RCAN2: variants seen among roughly 807,000 people sequenced by gnomAD.
The protein encoded by RCAN2 is calcipressin-2.
In RCAN2, 9 loss-of-function variants were observed where a neutral mutation model predicts 23.6. The observed-to-expected ratio is 0.38, with a 90% CI of 0.23 to 0.67. The LOEUF is 0.67. RCAN2 is among the 30% of genes least tolerant of loss of function. RCAN2 has a pLI of 0.51. For missense variants in RCAN2, 273 were observed against 302.3 expected (o/e 0.90, Z 0.72); for synonymous variants, 109 against 115.7 (o/e 0.94, Z 0.37).
At chr6:46,341,698 T>C (rs991708620) in intron 2 of RCAN2, among the ~76,000 whole-genome samples, 2 of 152,168 alleles carry the variant, frequency 1.3e-5, no homozygotes, top group Non-Finnish European at 2.9e-5. Context: ...CTCAGGAGGC[T>C]GAGGCAGGAG....
At chr6:46,255,597 A>G (rs1766882618) in intron 2 of RCAN2, among the ~76,000 whole-genome samples, 2 of 152,152 alleles carry the variant, frequency 1.3e-5, no homozygotes, top group Admixed American at 6.5e-5. Context: ...GTGATGGATG[A>G]CAGGGTGAGG....
intron 2 of RCAN2, among the ~76,000 whole-genome samples, chr6:46,255,584 A>C (rs908289325): frequency 6.6e-6 from 1 of 152,170 alleles, no homozygotes; most frequent in Non-Finnish European, 1.5e-5. Context: ...CATGAATGGA[A>C]TTGTGATGGA....
rs59953064 is a variant in RCAN2, at chr6:46,263,539, ATGTG to A, written c.226-14647_226-14644del. ...TGTGTGTATGTGTGTGTGTGTGTGTATGTGTGTGTGTGTGTGTGTGTATGTGTGT... is the reference window on the plus strand; with the variant it reads ...TGTGTGTATGTGTGTGTGTGTGTGTATGTGTGTGTGTGTGTGTATGTGTGT... On this transcript the variant is annotated intron_variant, in intron 2 of 4. Coordinates refer to ENST00000371374, the MANE Select transcript of RCAN2 (RefSeq NM_001251974.2). Among the ~76,000 whole-genome samples the A allele has an allele frequency of 2.6e-3, 218 of 82,456 alleles. 1 individual carries two copies. The East Asian group carries it at 0.062, about 23-fold the overall frequency. 54.1% of individuals were successfully genotyped at this position (82,456 alleles called of 152,430 possible).
chr6:46,339,020 A>AAAAAG (rs1266133098), intron 2 of RCAN2, among the ~76,000 whole-genome samples: 15 of 149,980 alleles, frequency 1.0e-4, no homozygotes, highest in East Asian at 3.9e-4. Flanking sequence ...GTCTCAAAAA[A>AAAAAG]AAAAAAAAAA....
chr6:46,272,524 A>C (rs1282189777), intron 2 of RCAN2, among the ~76,000 whole-genome samples: 1 of 152,240 alleles, frequency 6.6e-6, no homozygotes, highest in Non-Finnish European at 1.5e-5. Flanking sequence ...ATTATGCTTC[A>C]CAACTCACAT....
intron 2 of RCAN2, among the ~76,000 whole-genome samples, chr6:46,439,091 G>C (rs1157522868): frequency 6.6e-6 from 1 of 152,148 alleles, no homozygotes; most frequent in African/African-American, 2.4e-5. Flanking sequence ...AAAGACTCTA[G>C]TCCACTGTAG....
chr6:46,412,753 A>G (rs1003897984), intron 2 of RCAN2, among the ~76,000 whole-genome samples: 1 of 152,216 alleles, frequency 6.6e-6, no homozygotes, highest in Non-Finnish European at 1.5e-5. Context: ...GAGCTGTCTT[A>G]GTGGAAGAGC....
chr6:46,228,505 A>C (rs1170721573), intron 4 of RCAN2, among the ~76,000 whole-genome samples: 1 of 152,150 alleles, frequency 6.6e-6, no homozygotes, highest in Non-Finnish European at 1.5e-5. Context: ...TTCTTGTTGA[A>C]TTGATCCCTT....
At chr6:46,330,879 G>C (rs1763945651) in intron 2 of RCAN2, among the ~76,000 whole-genome samples, 1 of 152,088 alleles carries the variant, frequency 6.6e-6, no homozygotes, top group Non-Finnish European at 1.5e-5. Context: ...TTGCCTGTAG[G>C]TTCTGTTGTT....
chr6:46,476,158 T>C (rs1442229479), intron 1 of RCAN2, among the ~76,000 whole-genome samples: 7 of 152,142 alleles, frequency 4.6e-5, no homozygotes, highest in Non-Finnish European at 7.4e-5. Flanking sequence ...AATCCCCATT[T>C]TACAGAGTAG....
chr6:46,432,815 G>A (rs989751461), intron 2 of RCAN2, among the ~76,000 whole-genome samples: 2 of 152,126 alleles, frequency 1.3e-5, no homozygotes, highest in African/African-American at 4.8e-5. Context: ...GGATATATGT[G>A]ACCTCGTGGC....
At chr6:46,475,946 C>T (rs545759686) in intron 1 of RCAN2, among the ~76,000 whole-genome samples, 21 of 152,308 alleles carry the variant, frequency 1.4e-4, no homozygotes, top group Admixed American at 1.2e-3. Flanking sequence ...CAGACATTCT[C>T]ATGGACTCTG....
chr6:46,407,869 T>C (rs1457547451), intron 2 of RCAN2, among the ~76,000 whole-genome samples: 3 of 152,168 alleles, frequency 2.0e-5, no homozygotes, highest in East Asian at 1.9e-4. Context: ...AAGAAAAAGA[T>C]TGATGGAGTG....
At chr6:46,470,123 T>C (rs1428187806) in intron 1 of RCAN2, among the ~76,000 whole-genome samples, 1 of 152,226 alleles carries the variant, frequency 6.6e-6, no homozygotes, top group African/African-American at 2.4e-5. Context: ...CAGCACAAAA[T>C]GAACTAAAAC....
At chr6:46,338,810 T>TTC (rs1764217179) in intron 2 of RCAN2, among the ~76,000 whole-genome samples, 1 of 151,442 alleles carries the variant, frequency 6.6e-6, no homozygotes, top group South Asian at 2.1e-4. Flanking sequence ...GCCAGGAGTT[T>TTC]GAGGCCAGTC....
intron 2 of RCAN2, among the ~76,000 whole-genome samples, chr6:46,266,877 C>G (rs773921745): frequency 6.6e-6 from 1 of 152,138 alleles, no homozygotes; most frequent in African/African-American, 2.4e-5. Context: ...CAGTCGGAGG[C>G]AGACCTGCAT....
intron 2 of RCAN2, among the ~76,000 whole-genome samples, chr6:46,340,377 A>G (rs1207039694): frequency 6.6e-6 from 1 of 152,232 alleles, no homozygotes; most frequent in Non-Finnish European, 1.5e-5. Context: ...CTCCCCCTGT[A>G]TAGTACAGAG....
chr6:46,391,820 T>G (rs1211086710), intron 2 of RCAN2, among the ~76,000 whole-genome samples: 1 of 152,152 alleles, frequency 6.6e-6, no homozygotes, highest in Non-Finnish European at 1.5e-5. Flanking sequence ...TGTGTGTTTG[T>G]GTTTACCTGA....
chr6:46,248,863 C>T lies in RCAN2; in HGVS notation c.259G>A (p.Asp87Asn), dbSNP rs1206162890. 1.2e-6 allele frequency: 2 copies of T among 1,610,424 alleles called. No individual in the cohort carries two copies. The highest frequency in any genetic ancestry group is 2.2e-5 in the South Asian group (2 of 90,198). Residue 87 changes from aspartate (D) to asparagine (N), a missense_variant, in exon 3 of 5, where the codon GAC (aspartate) becomes AAC (asparagine). Asp to Asn is a conservative substitution (Grantham distance 23). Transcript: ENST00000371374. ...KFEGLFRTYD[D>N]CVTFQLFKSF... ...TTAAATAGCTGGAACGTCACACAGT[C>T]ATCATAAGTCCGAAACAGTCCCTCA... is the stretch of plus-strand genomic sequence containing the variant.
Sources: gnomAD v4.1 joint callset for allele counts (sites outside exome capture counted in the v4.1 genomes callset) on GRCh38, gnomAD v4.1.1 for gene constraint, MANE v1.5 for transcripts, NCBI Gene and HGNC (gene_info 2026-07-23, HGNC 2026-07-21) for gene names.